Variants in ANKLE2 observed in about 807,000 individuals in gnomAD.
ANKLE2 encodes the protein ankyrin repeat and LEM domain-containing protein 2.
Under a neutral mutation model 84.2 loss-of-function variants are expected in ANKLE2, and 55 were observed. The observed-to-expected ratio is 0.65, with a 90% CI of 0.53 to 0.82. The LOEUF is 0.82. ANKLE2 is among the 40% of genes least tolerant of loss of function. ANKLE2 has a pLI of 0.00. For synonymous variants in ANKLE2, 551 were observed against 486.1 expected (o/e 1.13, Z -1.76); for missense variants, 1,238 against 1,201.9 (o/e 1.03, Z -0.44).
At chr12:132,753,213 C>T (rs934898136) in intron 2 of ANKLE2, among the ~76,000 whole-genome samples, 3 of 151,516 alleles carry the variant, frequency 2.0e-5, no homozygotes, top group Admixed American at 6.6e-5. Context: ...CAAGCTACTC[C>T]GGAGGCTGAG....
intron 11 of ANKLE2, among the ~76,000 whole-genome samples, chr12:132,728,693 G>C (rs567179256): frequency 1.3e-5 from 2 of 152,204 alleles, no homozygotes; most frequent in Non-Finnish European, 2.9e-5. Flanking sequence ...ATGCAGACTC[G>C]CTGTTCTGTG....
In ANKLE2 at chr12:132,725,759, A is replaced by G. The variant is rs547168249; in HGVS notation, c.*1483T>C. ...TAGAGAAAACAGATCATCACTACGA[A>G]TATCCATATTCTGATTTCTTTTGAG... On this transcript the variant is annotated 3_prime_UTR_variant, in exon 13 of 13. Transcript: ENST00000357997. The G allele has an allele frequency of 6.6e-6, 1 of 152,366 alleles. No homozygotes were observed. The highest frequency in any genetic ancestry group is 1.5e-5 in the Non-Finnish European group (1 of 68,042). 9.4% of individuals were successfully genotyped at this position (152,366 alleles called of 1,614,324 possible).
rs991185261 is a variant in ANKLE2, at chr12:132,743,380, T to C, written c.1231-104A>G. The C allele has an allele frequency of 1.4e-5, 19 of 1,395,012 alleles. No homozygotes were observed. The African/African-American group carries it at 1.8e-4, about 13-fold the overall frequency. The allele number at this position is 1,395,012 out of a possible 1,614,324, so 86.4% of individuals were successfully genotyped here. ...TCATTCATTCATTCATTTATTTATT[T>C]TGAGACGGAGTCTCACTGGCGTGAT... On this transcript the variant is annotated intron_variant, in intron 5 of 12. Transcript: ENST00000357997. This position sits in a 1 kb window ranked among gnomAD's most constrained non-coding sequence, Gnocchi z 4.1.
rs141498622 is a variant in ANKLE2, at chr12:132,751,159, TA to T, written c.641-311del. 3.1e-3 allele frequency: 579 copies of T among 186,260 alleles called. 2 individuals carry two copies. Among genetic ancestry groups the T allele is most frequent in the Middle Eastern group, 0.01 (5 of 492 alleles). The allele number at this position is 186,260 out of a possible 1,614,324, so 11.5% of individuals were successfully genotyped here. ...AAATAAAAATTATTAAAAGGCAAAT[TA>T]AAAAAAAAAACTATAATTATGTCAG... On this transcript the variant is annotated intron_variant, in intron 2 of 12. Transcript: ENST00000357997.
intron 11 of ANKLE2, among the ~76,000 whole-genome samples, chr12:132,728,909 A>C (rs1332467472): frequency 6.6e-6 from 1 of 152,190 alleles, no homozygotes; most frequent in Non-Finnish European, 1.5e-5. Context: ...GATTTAGAAG[A>C]GATCATTCAC....
At chr12:132,735,036 A>C in intron 9 of ANKLE2, 1 of 290,796 alleles carries the variant, frequency 3.4e-6, no homozygotes, top group Admixed American at 4.9e-5. Flanking sequence ...AATTCCACGA[A>C]GCTTTATTTG....
chr12:132,739,486 G>A (rs970720795), intron 7 of ANKLE2, among the ~76,000 whole-genome samples: 6 of 152,172 alleles, frequency 3.9e-5, no homozygotes, highest in Admixed American at 2.6e-4. Context: ...CATACAGTAT[G>A]TACAGTATAG....
chr12:132,734,900 C>T (rs1013628872), intron 9 of ANKLE2: 12 of 330,862 alleles, frequency 3.6e-5, no homozygotes, highest in Non-Finnish European at 5.5e-5. Flanking sequence ...TTCATGATCA[C>T]GGAACAGCCC....
At position 132,727,321 on chromosome 12, in the gene ANKLE2, C is replaced by A; in HGVS notation, c.2738G>T (p.Gly913Val). 1 of 1,563,226 alleles carries A rather than the reference C, an allele frequency of 6.4e-7. No individual in the cohort carries two copies. The highest frequency in any genetic ancestry group is 1.2e-5 in the South Asian group (1 of 84,792). The change falls in exon 13 of 13, where the codon GGC (glycine) becomes GTC (valine). Residue 913 changes from glycine (G) to valine (V), a missense_variant. Gly to Val is a moderately radical substitution (Grantham distance 109, BLOSUM62 -3). Transcript: ENST00000357997. ...CACGGGGCTGTAGCGCCCAGGACTG[C>A]CCAGGCCTGGCTTTGCGGGGTTGCT... ...AGSNPAKPGL[G>V]SPGRYSPVHG...
At chr12:132,759,515 ATATATGTATAC>A (rs1031396488) in intron 1 of ANKLE2, 2 of 114,578 alleles carry the variant, frequency 1.7e-5, no homozygotes, top group African/African-American at 1.4e-4. Flanking sequence ...TGCTGACTAT[ATATATGTATAC>A]TATATGTGCT....
intron 10 of ANKLE2, 84 bp from the exon 11 acceptor site, chr12:132,730,354 G>A (rs1223044825): frequency 7.4e-6 from 3 of 405,648 alleles, no homozygotes; most frequent in East Asian, 4.3e-5. Context: ...ACCAACTGCC[G>A]TGACCCCAGC....
intron 1 of ANKLE2, chr12:132,759,518 T>C (rs560547269): frequency 4.2e-4 from 59 of 139,496 alleles, no homozygotes; most frequent in African/African-American, 1.3e-3. Context: ...TGACTATATA[T>C]ATGTATACTA....
At chr12:132,727,507 C>CATCT in intron 12 of ANKLE2, 64 bp from the exon 13 acceptor site, 2 of 1,403,038 alleles carry the variant, frequency 1.4e-6, no homozygotes, top group South Asian at 2.6e-5. Context: ...CAGCAAAAGT[C>CATCT]GGAGAATAAT....
Position 132,754,760 on chromosome 12 carries a change from G to C in ANKLE2, c.555C>G (p.Thr185=). 1.2e-6 allele frequency: 2 copies of C among 1,614,118 alleles called. No homozygotes were observed. Among genetic ancestry groups the C allele is most frequent in the East Asian group, 2.2e-5 (1 of 44,878 alleles). ...TCSVPPSDTD[T]YRAGATASKE... is the part of the protein sequence containing the mutation. ...TAGACGCAGTCGCTCCAGCTCTGTAGGTGTCGGTGTCACTAGGGGGCACCG... is the reference window on the plus strand; with the variant it reads ...TAGACGCAGTCGCTCCAGCTCTGTACGTGTCGGTGTCACTAGGGGGCACCG... The change falls in exon 2 of 13, where the codon ACC becomes ACG. Residue 185 remains threonine, a synonymous_variant. Coordinates refer to ENST00000357997, the MANE Select transcript of ANKLE2 (RefSeq NM_015114.3).
chr12:132,744,070 C>A (rs2044185469), intron 5 of ANKLE2, among the ~76,000 whole-genome samples: 1 of 152,216 alleles, frequency 6.6e-6, no homozygotes, highest in South Asian at 2.1e-4. Flanking sequence ...CGCCCTCCTT[C>A]CCCGGATGGT....
At position 132,743,978 on chromosome 12, in the gene ANKLE2, T is replaced by A. The variant is rs2044183142; in HGVS notation, c.1231-702A>T. 6.6e-6 allele frequency among the ~76,000 whole-genome samples: 1 copy of A among 152,084 alleles called. No individual in the cohort carries two copies. Among genetic ancestry groups the A allele is most frequent in the Non-Finnish European group, 1.5e-5 (1 of 68,008 alleles). ...GTCTCTGCGGCCTGTGACACCACAGTAAACGAAATTTTTTTCACTGCTGAC... is the reference window on the plus strand; with the variant it reads ...GTCTCTGCGGCCTGTGACACCACAGAAAACGAAATTTTTTTCACTGCTGAC... On this transcript the variant is annotated intron_variant, in intron 5 of 12. Transcript: ENST00000357997. The surrounding 1 kb of genome is among the most constrained non-coding windows in gnomAD (Gnocchi z 4.1).
chr12:132,727,765 G>A (rs1451456842), intron 12 of ANKLE2, among the ~76,000 whole-genome samples: 2 of 152,206 alleles, frequency 1.3e-5, no homozygotes, highest in Admixed American at 6.5e-5. Flanking sequence ...GGGGTTTCCC[G>A]GAGAATCCTG....
chr12:132,737,443 G>A (rs757833181), intron 7 of ANKLE2: 18 of 161,730 alleles, frequency 1.1e-4, no homozygotes, highest in Non-Finnish European at 2.2e-4. Flanking sequence ...AGCCGGGTGC[G>A]GTGGCTCACG....
intron 10 of ANKLE2, among the ~76,000 whole-genome samples, chr12:132,732,662 GAT>G (rs1206810143): frequency 1.2e-4 from 13 of 112,712 alleles, no homozygotes; most frequent in East Asian, 2.9e-4. Flanking sequence ...GCTGGTGTCT[GAT>G]ACGCACCGTG....
Sources: gnomAD v4.1 joint callset for allele counts (sites outside exome capture counted in the v4.1 genomes callset) on GRCh38, gnomAD v4.1.1 for gene constraint, Gnocchi (gnomAD v3.1) non-coding constraint, MANE v1.5 for transcripts, NCBI Gene and HGNC (gene_info 2026-07-23, HGNC 2026-07-21) for gene names.